Variants in TLL2 observed in about 807,000 individuals in gnomAD.
TLL2 encodes tolloid-like protein 2.
In TLL2, 106 loss-of-function variants were observed where a neutral mutation model predicts 123.0. That is an observed-to-expected ratio of 0.86 (90% CI 0.74 to 1.01). The LOEUF (loss-of-function observed/expected upper bound fraction) is 1.01, where lower values mean the gene tolerates loss of function less well. Among genes scored for constraint, TLL2 ranks in the 50% least tolerant of loss-of-function variants. TLL2 has a pLI of 0.00. For missense variants in TLL2, 1,332 were observed against 1,336.7 expected (o/e 1.00, Z 0.06); for synonymous variants, 494 against 516.8 (o/e 0.96, Z 0.60).
chr10:96,433,123 C>T (rs937046068), intron 3 of TLL2, among the ~76,000 whole-genome samples, 161 bp from the exon 4 acceptor site: 4 of 152,092 alleles, frequency 2.6e-5, no homozygotes, highest in African/African-American at 9.7e-5. Context: ...TGGCAGTTTT[C>T]CAGATGGGGT....
intron 2 of TLL2, among the ~76,000 whole-genome samples, chr10:96,451,272 T>C (rs886873999): frequency 4.6e-5 from 7 of 152,226 alleles, no homozygotes; most frequent in African/African-American, 1.7e-4. Context: ...AAGCTGCTTT[T>C]CTTTGGGAAA....
intron 2 of TLL2, among the ~76,000 whole-genome samples, chr10:96,479,771 C>T (rs956134530): frequency 2.0e-5 from 3 of 152,370 alleles, no homozygotes; most frequent in Non-Finnish European, 2.9e-5. Flanking sequence ...CCACAGCCCA[C>T]CCCAAAGGGC....
At position 96,386,077 on chromosome 10, in the gene TLL2, ACTTCAAACTGAAGGGAGATC is replaced by A; in HGVS notation, c.1971_1990del (p.Ile658ValfsTer2). ...TACGTCATTGCCTTCCAGTTCAAAC[ACTTCAAACTGAAGGGAGATC>A]CGGTACTGAGCGGGGGCCACCACCT... On this transcript the variant is annotated frameshift_variant, in exon 15 of 21. Coordinates refer to ENST00000357947, the MANE Select transcript of TLL2 (RefSeq NM_012465.4). LOFTEE classifies it high-confidence loss of function. 1 of 1,606,788 alleles carries A rather than the reference ACTTCAAACTGAAGGGAGATC, an allele frequency of 6.2e-7. No individual in the cohort carries two copies. Among genetic ancestry groups the A allele is most frequent in the East Asian group, 2.2e-5 (1 of 44,568 alleles).
intron 13 of TLL2, among the ~76,000 whole-genome samples, chr10:96,388,688 A>G (rs1846259303): frequency 6.6e-6 from 1 of 152,128 alleles, no homozygotes; most frequent in Non-Finnish European, 1.5e-5. Context: ...AAACCCTCCA[A>G]TCATCCAGCT....
chr10:96,505,676 T>C (rs1324254), intron 1 of TLL2, among the ~76,000 whole-genome samples: 4,727 of 152,322 alleles, frequency 0.031, 109 homozygotes, highest in Non-Finnish European at 0.047. Context: ...CTCTAGCACC[T>C]GCTGCTTTGC....
At chr10:96,482,174 C>T (rs543180454) in intron 1 of TLL2, among the ~76,000 whole-genome samples, 4 of 151,798 alleles carry the variant, frequency 2.6e-5, no homozygotes, top group African/African-American at 4.8e-5. Context: ...AGGAGAATGG[C>T]GTGAACCCGG....
At chr10:96,413,518 G>A (rs556136148) in intron 7 of TLL2, among the ~76,000 whole-genome samples, 4 of 152,226 alleles carry the variant, frequency 2.6e-5, no homozygotes, top group East Asian at 3.9e-4. Context: ...CTGCCTACTC[G>A]CTTTCCAGTG....
At chr10:96,424,561 T>C (rs1441401981) in intron 5 of TLL2, among the ~76,000 whole-genome samples, 1 of 152,210 alleles carries the variant, frequency 6.6e-6, no homozygotes, top group Non-Finnish European at 1.5e-5. Context: ...TTTCACTGCA[T>C]TGAGGCTGGA....
chr10:96,501,853 C>T (rs934492785), intron 1 of TLL2, among the ~76,000 whole-genome samples: 10 of 152,288 alleles, frequency 6.6e-5, no homozygotes, highest in Admixed American at 1.3e-4. Flanking sequence ...TGACAAATAC[C>T]GGTTGGGCAC....
intron 4 of TLL2, 131 bp downstream of exon 4, chr10:96,432,676 G>C (rs986522663): frequency 1.7e-6 from 2 of 1,150,368 alleles, no homozygotes; most frequent in African/African-American, 3.1e-5. Flanking sequence ...CAAGAGGGGG[G>C]CATCATCTGT....
chr10:96,406,581 G>T (rs1336008886), intron 9 of TLL2, among the ~76,000 whole-genome samples: 3 of 152,104 alleles, frequency 2.0e-5, no homozygotes, highest in Non-Finnish European at 4.4e-5. Flanking sequence ...CCTTAGGCTG[G>T]AAGGCTTCCT....
At chr10:96,447,523 C>T (rs145416536) in intron 2 of TLL2, among the ~76,000 whole-genome samples, 213 of 151,990 alleles carry the variant, frequency 1.4e-3, no homozygotes, top group African/African-American at 4.7e-3. Context: ...AGGCAGAGCT[C>T]GCAGGTAGGG....
At position 96,397,277 on chromosome 10, in the gene TLL2, C is replaced by T. The variant is rs994989697; in HGVS notation, c.1293G>A (p.Pro431=). The T allele has an allele frequency of 1.1e-5, 17 of 1,613,310 alleles. No homozygotes were observed. Among genetic ancestry groups the T allele is most frequent in the Admixed American group, 5.0e-5 (3 of 59,924 alleles). The stretch of plus-strand genomic sequence containing the variant: ...GGCTGTCCGTGGAGACGAGGGGCTC[C>T]GGGATCTTATCGCCACAAAACCTGC... ...LLGRFCGDKI[P]EPLVSTDSRL... Residue 431 remains proline, a synonymous_variant, in exon 11 of 21, where the codon CCG becomes CCA. Transcript: ENST00000357947.
chr10:96,446,591 C>A (rs530689155), intron 2 of TLL2, among the ~76,000 whole-genome samples: 1 of 152,088 alleles, frequency 6.6e-6, no homozygotes, highest in Non-Finnish European at 1.5e-5. Flanking sequence ...CCAGTGCTGC[C>A]GAATACTCAA....
chr10:96,405,370 A>G (rs1450473697), intron 9 of TLL2, 36 bp from the exon 10 acceptor site: 1 of 1,602,812 alleles, frequency 6.2e-7, no homozygotes, highest in East Asian at 2.2e-5. Flanking sequence ...TTTTGGCAGC[A>G]AAGCCTGAGG....
chr10:96,382,126 G>C (rs1268941763), intron 16 of TLL2, among the ~76,000 whole-genome samples: 20 of 151,810 alleles, frequency 1.3e-4, no homozygotes, highest in Admixed American at 1.3e-3. Flanking sequence ...CTGCCTCCCT[G>C]GCTCAAGCGA....
intron 1 of TLL2, among the ~76,000 whole-genome samples, chr10:96,486,134 C>T (rs1847353833): frequency 2.6e-5 from 4 of 151,944 alleles, no homozygotes; most frequent in Admixed American, 2.6e-4. Flanking sequence ...AGATTTTTCA[C>T]GATAAGTTTA....
At chr10:96,405,437 G>A in intron 9 of TLL2, 103 bp from the exon 10 acceptor site, 1 of 1,023,918 alleles carries the variant, frequency 9.8e-7, no homozygotes, top group Non-Finnish European at 1.5e-6. Context: ...TTAGCATGCA[G>A]AACTTTCAGA....
intron 16 of TLL2, among the ~76,000 whole-genome samples, chr10:96,382,996 G>C (rs1846199538): frequency 6.6e-6 from 1 of 151,116 alleles, no homozygotes; most frequent in African/African-American, 2.5e-5. Flanking sequence ...ATATTCCAGG[G>C]AGAGGGAACG....
Sources: allele counts gnomAD v4.1 joint callset (sites outside exome capture counted in the v4.1 genomes callset), GRCh38; gene constraint gnomAD v4.1.1; transcripts MANE v1.5; gene names NCBI Gene and HGNC (gene_info 2026-07-23, HGNC 2026-07-21).